RIMS1: variants seen among roughly 807,000 people sequenced by gnomAD.
RIMS1 encodes the protein regulating synaptic membrane exocytosis 1.
A neutral mutation model predicts 214.1 loss-of-function variants in RIMS1; 83 were observed. The observed-to-expected ratio is 0.39, with a 90% CI of 0.32 to 0.47. The LOEUF is 0.47. Ranked by LOEUF, RIMS1 falls within the 20% of genes least tolerant of loss-of-function variation. RIMS1 has a pLI of 0.99. For missense variants in RIMS1, 2,050 were observed against 2,161.8 expected (o/e 0.95, Z 1.03); for synonymous variants, 793 against 786.8 (o/e 1.01, Z -0.13).
intron 6 of RIMS1, among the ~76,000 whole-genome samples, 184 bp downstream of exon 6, chr6:72,183,333 AT>A (rs1449272800): frequency 6.6e-6 from 1 of 152,094 alleles, no homozygotes; most frequent in Non-Finnish European, 1.5e-5. Flanking sequence ...GATTTGTGGG[AT>A]TTTAAAACAC....
At position 71,900,147 on chromosome 6, in the gene RIMS1, G is replaced by C. The variant is rs73748927; in HGVS notation, c.164+12960G>C. ...GAAATGACAGTAAGGACTGAGCTAA[G>C]ATCTGAGAATGAACAGAAGTTAAGC... On this transcript the variant is annotated intron_variant, in intron 1 of 33. Transcript: ENST00000521978. 2.0e-5 allele frequency among the ~76,000 whole-genome samples: 3 copies of C among 152,188 alleles called. No individual in the cohort carries two copies. The South Asian group carries it at 6.2e-4, about 32-fold the overall frequency.
Position 72,340,427 on chromosome 6 carries a change from T to G in RIMS1, c.4366+6592T>G, listed in dbSNP as rs2097024782. 5.3e-5 allele frequency among the ~76,000 whole-genome samples: 8 copies of G among 152,020 alleles called. No homozygotes were observed. In the South Asian group the frequency reaches 1.7e-3, roughly 32 times the overall value. ...GTTTTTATGGTTTTAGGTCTAACAT[T>G]TAAGTCTTTAATCCATCTTGAATTA... On this transcript the variant is annotated intron_variant, in intron 29 of 33. Coordinates refer to ENST00000521978, the MANE Select transcript of RIMS1 (RefSeq NM_014989.7).
In RIMS1 at chr6:72,259,057, C is replaced by T; in HGVS notation, c.2999C>T (p.Pro1000Leu). ...PTRHHDASRS[P>L]VDHRTRDVDS... ...AGACACCATGATGCCTCCCGAAGTC[C>T]AGTTGATCATAGAACCAGAGATGTG... The change falls in exon 18 of 34, where the codon CCA becomes CTA. Residue 1000 changes from proline to leucine, a missense_variant. By Grantham distance (98) the Pro-to-Leu change is moderately conservative (BLOSUM62 -3). Coordinates refer to ENST00000521978, the MANE Select transcript of RIMS1 (RefSeq NM_014989.7). The T allele has an allele frequency of 6.2e-7, 1 of 1,612,318 alleles. No individual in the cohort carries two copies. The highest frequency in any genetic ancestry group is 8.5e-7 in the Non-Finnish European group (1 of 1,178,630).
chr6:72,221,026 G>C (rs1400012309), intron 6 of RIMS1, among the ~76,000 whole-genome samples: 1 of 152,048 alleles, frequency 6.6e-6, no homozygotes, highest in African/African-American at 2.4e-5. Flanking sequence ...GACCCTTTGA[G>C]TATTGGTAAG....
At chr6:72,128,118 T>G (rs1351794465) in intron 4 of RIMS1, among the ~76,000 whole-genome samples, 1 of 152,192 alleles carries the variant, frequency 6.6e-6, no homozygotes, top group East Asian at 1.9e-4. Context: ...GTTAGACTAC[T>G]CTTCCTCACA....
chr6:72,288,010 A>C (rs1304993845), intron 24 of RIMS1, among the ~76,000 whole-genome samples: 9 of 152,208 alleles, frequency 5.9e-5, no homozygotes, highest in Admixed American at 5.9e-4. Flanking sequence ...CTGCCAAATA[A>C]TTTGATACTT....
intron 2 of RIMS1, among the ~76,000 whole-genome samples, chr6:72,031,934 A>G (rs926228816): frequency 6.6e-6 from 1 of 152,204 alleles, no homozygotes; most frequent in African/African-American, 2.4e-5. Flanking sequence ...TACATAAAAT[A>G]ATTAGAATGC....
chr6:72,335,222 C>G (rs1335268026), intron 29 of RIMS1, among the ~76,000 whole-genome samples: 5 of 151,992 alleles, frequency 3.3e-5, no homozygotes, highest in African/African-American at 4.8e-5. Context: ...TCTGCTATCC[C>G]TCCCCTAGGC....
intron 29 of RIMS1, among the ~76,000 whole-genome samples, chr6:72,369,168 A>ATAT (rs2098137528): frequency 6.6e-6 from 1 of 151,596 alleles, no homozygotes; most frequent in Non-Finnish European, 1.5e-5. Flanking sequence ...ATGAAAATTA[A>ATAT]GCTGTTATGG....
At chr6:72,245,259 T>A (rs1040065381) in intron 10 of RIMS1, among the ~76,000 whole-genome samples, 1 of 151,748 alleles carries the variant, frequency 6.6e-6, no homozygotes, top group Non-Finnish European at 1.5e-5. Flanking sequence ...TGTATATATA[T>A]TATATATTCA....
At chr6:72,081,864 T>A (rs1833504771) in intron 2 of RIMS1, among the ~76,000 whole-genome samples, 2 of 152,200 alleles carry the variant, frequency 1.3e-5, no homozygotes, top group South Asian at 4.1e-4. Flanking sequence ...TAGATGATAG[T>A]TAGGTTTTAT....
rs992828885 is a variant in RIMS1, at chr6:72,402,313, A to G, written c.*1599A>G. ...GAAATCTAAGCCATCCACTTTTGTT[A>G]TAGACATTTTGCAGGTTTTAGCCAG... On this transcript the variant is annotated 3_prime_UTR_variant, in exon 34 of 34. Coordinates refer to ENST00000521978, the MANE Select transcript of RIMS1 (RefSeq NM_014989.7). 1.3e-5 allele frequency: 2 copies of G among 152,648 alleles called. No homozygotes were observed. Among genetic ancestry groups the G allele is most frequent in the Non-Finnish European group, 2.9e-5 (2 of 68,028 alleles). 9.5% of individuals were successfully genotyped at this position (152,648 alleles called of 1,614,324 possible).
chr6:72,251,444 GTTT>G, intron 15 of RIMS1, 76 bp downstream of exon 15: 1 of 1,171,820 alleles, frequency 8.5e-7, no homozygotes, highest in South Asian at 2.0e-5. Context: ...AATTCAAGAT[GTTT>G]TTTTTAAATG....
intron 6 of RIMS1, among the ~76,000 whole-genome samples, chr6:72,214,706 G>T (rs1005838841): frequency 6.6e-6 from 1 of 151,982 alleles, no homozygotes; most frequent in East Asian, 1.9e-4. Flanking sequence ...GCCTACATAG[G>T]CTTATATGAT....
In RIMS1 at chr6:72,143,787, T is replaced by C. The variant is rs115965475; in HGVS notation, c.472-35788T>C. ...TAAACATACTTAATAGTTTCTACAT[T>C]ATCGTATTTTTACGTCTTTTCTGCT... On this transcript the variant is annotated intron_variant, in intron 4 of 33. Coordinates refer to ENST00000521978, the MANE Select transcript of RIMS1 (RefSeq NM_014989.7). Among the ~76,000 whole-genome samples the C allele has an allele frequency of 7.8e-3, 1,184 of 152,322 alleles. 21 individuals are homozygous for C. Among genetic ancestry groups the C allele is most frequent in the African/African-American group, 0.027 (1,125 of 41,568 alleles).
At chr6:72,086,635 T>C (rs1834732863) in intron 2 of RIMS1, among the ~76,000 whole-genome samples, 1 of 152,188 alleles carries the variant, frequency 6.6e-6, no homozygotes, top group African/African-American at 2.4e-5. Flanking sequence ...CAGACCTCAG[T>C]AGATGTTTGT....
intron 1 of RIMS1, among the ~76,000 whole-genome samples, chr6:71,952,323 G>A (rs1047914486): frequency 2.0e-5 from 3 of 152,104 alleles, no homozygotes; most frequent in Non-Finnish European, 2.9e-5. Flanking sequence ...AAAAGTTCCA[G>A]TATGTTTATT....
intron 4 of RIMS1, among the ~76,000 whole-genome samples, chr6:72,145,110 T>C (rs896804729): frequency 5.3e-5 from 8 of 152,202 alleles, no homozygotes; most frequent in African/African-American, 1.7e-4. Context: ...CTTGGCCTGA[T>C]TATTTGCATA....
chr6:71,894,187 G>A (rs538411418), intron 1 of RIMS1, among the ~76,000 whole-genome samples: 1 of 152,286 alleles, frequency 6.6e-6, no homozygotes, highest in Non-Finnish European at 1.5e-5. Context: ...GCTCACTCCC[G>A]TAATCCCAAC....
Sources: gnomAD v4.1 joint callset for allele counts (sites outside exome capture counted in the v4.1 genomes callset) on GRCh38, gnomAD v4.1.1 for gene constraint, MANE v1.5 for transcripts, NCBI Gene and HGNC (gene_info 2026-07-23, HGNC 2026-07-21) for gene names.